The following ATF7IP2 variants were observed in gnomAD, a reference collection of about 807,000 sequenced individuals.
The protein encoded by ATF7IP2 is activating transcription factor 7 interacting protein 2.
A neutral mutation model predicts 64.2 loss-of-function variants in ATF7IP2; 42 were observed. The observed-to-expected ratio is 0.65, with a 90% CI of 0.51 to 0.85. The LOEUF is 0.85. Ranked by LOEUF, ATF7IP2 falls within the 40% of genes least tolerant of loss-of-function variation. The pLI, the probability that ATF7IP2 is intolerant of heterozygous loss-of-function variation, is 0.00. For synonymous variants in ATF7IP2, 308 were observed against 272.8 expected, an observed-to-expected ratio of 1.13 and a Z score of -1.27; for missense variants, 933 against 784.2, an observed-to-expected ratio of 1.19 and a Z score of -2.27.
intron 9 of ATF7IP2, among the ~76,000 whole-genome samples, chr16:10,464,491 A>T (rs2049487589): frequency 6.6e-6 from 1 of 152,242 alleles, no homozygotes; most frequent in Non-Finnish European, 1.5e-5. Context: ...GGCAATAACA[A>T]CTGAGCTGCA....
At position 10,445,066 on chromosome 16, in the gene ATF7IP2, ATTAG is replaced by A. The variant is rs1189849864; in HGVS notation, c.1194+4607_1194+4610del. ...GTGGTGATTTTTTTAGAGTTTGCTT[ATTAG>A]TTTTCTTACGTATTAAGCAACTATC... On this transcript the variant is annotated intron_variant, in intron 8 of 13. Coordinates refer to ENST00000562102, the MANE Select transcript of ATF7IP2 (RefSeq NM_001393719.1). 6.6e-5 allele frequency among the ~76,000 whole-genome samples: 10 copies of A among 152,284 alleles called. 1 individual carries two copies. In the East Asian group the frequency reaches 1.7e-3, roughly 26 times the overall value.
At chr16:10,434,962 A>G (rs1185008372) in intron 6 of ATF7IP2, among the ~76,000 whole-genome samples, 2 of 152,086 alleles carry the variant, frequency 1.3e-5, no homozygotes. Flanking sequence ...GTAGAGACAG[A>G]TTTTACCATG....
At chr16:10,454,984 AT>A (rs2049119590) in intron 8 of ATF7IP2, among the ~76,000 whole-genome samples, 2 of 152,158 alleles carry the variant, frequency 1.3e-5, no homozygotes, top group African/African-American at 4.8e-5. Flanking sequence ...CCAGCATATT[AT>A]TTTACTTGAC....
intron 6 of ATF7IP2, 149 bp downstream of exon 6, chr16:10,433,798 G>T: frequency 1.2e-6 from 1 of 813,510 alleles, no homozygotes; most frequent in African/African-American, 1.8e-5. Context: ...AGACAGACTG[G>T]GGAGAGATAA....
chr16:10,471,387 G>A (rs1371617333), intron 9 of ATF7IP2, among the ~76,000 whole-genome samples: 1 of 152,106 alleles, frequency 6.6e-6, no homozygotes, highest in Non-Finnish European at 1.5e-5. Flanking sequence ...AATTAGCCGG[G>A]CATGGTGGCA....
intron 8 of ATF7IP2, among the ~76,000 whole-genome samples, chr16:10,441,192 A>G (rs148065312): frequency 0.062 from 9,486 of 152,184 alleles, 359 homozygotes; most frequent in South Asian, 0.12. Context: ...GCTATTGTAA[A>G]TAGTGCTGCA....
At chr16:10,434,685 A>C (rs2048361262) in intron 6 of ATF7IP2, among the ~76,000 whole-genome samples, 1 of 152,200 alleles carries the variant, frequency 6.6e-6, no homozygotes, top group Admixed American at 6.5e-5. Context: ...AAAGGGTAGA[A>C]GTATGGTAAG....
rs559122580 is a variant in ATF7IP2 at position 10,444,132 on chromosome 16, G to A, written c.1194+3670G>A. 3.9e-5 allele frequency among the ~76,000 whole-genome samples: 6 copies of A among 152,312 alleles called. 1 individual carries two copies. The South Asian group carries it at 8.3e-4, about 21-fold the overall frequency. ...GTCCCCACAGGGCATAACAAGACAAGCATCAAATGTAATTGTTTGAGGAAA... is the reference window on the plus strand; with the variant it reads ...GTCCCCACAGGGCATAACAAGACAAACATCAAATGTAATTGTTTGAGGAAA... On this transcript the variant is annotated intron_variant, in intron 8 of 13. Transcript: ENST00000562102.
intron 9 of ATF7IP2, among the ~76,000 whole-genome samples, chr16:10,470,018 A>C (rs1041193070): frequency 1.1e-4 from 17 of 152,196 alleles, no homozygotes; most frequent in Non-Finnish European, 1.8e-4. Flanking sequence ...CTACATTACA[A>C]GAAATTTTGG....
intron 12 of ATF7IP2, among the ~76,000 whole-genome samples, chr16:10,478,273 C>T (rs1193826178): frequency 6.7e-6 from 1 of 150,276 alleles, no homozygotes. Flanking sequence ...GCTACAGTAA[C>T]CAAAACAGCA....
chr16:10,466,773 T>C (rs748411359), intron 9 of ATF7IP2, among the ~76,000 whole-genome samples: 2 of 152,206 alleles, frequency 1.3e-5, no homozygotes, highest in Non-Finnish European at 2.9e-5. Context: ...GAACTGACTG[T>C]ACTTAATTTC....
At chr16:10,406,299 T>A (rs2047638335) in intron 1 of ATF7IP2, among the ~76,000 whole-genome samples, 2 of 151,794 alleles carry the variant, frequency 1.3e-5, no homozygotes, top group Non-Finnish European at 2.9e-5. Flanking sequence ...AGAGATGGGG[T>A]TTTGCCACGT....
At chr16:10,390,587 A>ATGAG (rs2141731070) in intron 1 of ATF7IP2, among the ~76,000 whole-genome samples, 4 of 152,238 alleles carry the variant, frequency 2.6e-5, no homozygotes, top group African/African-American at 9.6e-5. Flanking sequence ...TTTGAGACCC[A>ATGAG]CCTGGGTAAC....
chr16:10,402,921 AAT>A (rs1021423529), intron 1 of ATF7IP2, among the ~76,000 whole-genome samples: 7 of 148,902 alleles, frequency 4.7e-5, no homozygotes, highest in African/African-American at 1.5e-4. Flanking sequence ...AAAAAAAAAA[AAT>A]GTTGAGTCTT....
Position 10,466,356 on chromosome 16 carries a change from G to A in ATF7IP2, c.1353-5754G>A, listed in dbSNP as rs182112535. Among the ~76,000 whole-genome samples, 24 of 152,288 alleles carry A rather than the reference G, an allele frequency of 1.6e-4. No homozygotes were observed. In the East Asian group the frequency reaches 4.1e-3, roughly 26 times the overall value. On this transcript the variant is annotated intron_variant, in intron 9 of 13. Transcript: ENST00000562102. ...AACATTCTTTTACATGTCTTTTGGT[G>A]AATGTACATATATACACTTCTGTTG...
chr16:10,446,852 C>G (rs757991800), intron 8 of ATF7IP2: 4 of 152,098 alleles, frequency 2.6e-5, no homozygotes, highest in Non-Finnish European at 5.9e-5. Context: ...CTTGCCTTCC[C>G]AACTATTGGA....
intron 1 of ATF7IP2, chr16:10,387,560 T>G (rs996598326): frequency 4.6e-5 from 7 of 152,272 alleles, no homozygotes; most frequent in Non-Finnish European, 1.0e-4. Flanking sequence ...TCAATTCCAT[T>G]GTGTTTCCTT....
intron 8 of ATF7IP2, 71 bp downstream of exon 8, chr16:10,440,533 A>G (rs1344314494): frequency 1.6e-5 from 14 of 876,426 alleles, no homozygotes; most frequent in Non-Finnish European, 2.3e-5. Context: ...GAAGAAATGA[A>G]TATATTTCCA....
Position 10,430,717 on chromosome 16 carries a change from A to G in ATF7IP2, c.97A>G (p.Arg33Gly), listed in dbSNP as rs2048216496. The G allele has an allele frequency of 1.2e-6, 2 of 1,614,034 alleles. No individual in the cohort carries two copies. Among genetic ancestry groups the G allele is most frequent in the African/African-American group, 2.7e-5 (2 of 74,930 alleles). ...GCAAGTAGAGATGCTGAATAAGTCA[A>G]GGAATGTTGAAGCGCTGAAAACAGC... ...RKQVEMLNKS[R>G]NVEALKTAIG... The change falls in exon 5 of 14, where the codon AGG (arginine) becomes GGG (glycine). Residue 33 changes from arginine (R) to glycine (G), a missense_variant. Arg to Gly is a moderately radical substitution (Grantham distance 125). Transcript: ENST00000562102.
Sources: gnomAD v4.1 joint callset for allele counts (sites outside exome capture counted in the v4.1 genomes callset) on GRCh38, gnomAD v4.1.1 for gene constraint, MANE v1.5 for transcripts, NCBI Gene and HGNC (gene_info 2026-07-23, HGNC 2026-07-21) for gene names.